Variants in NIT1 observed in about 807,000 individuals in gnomAD.
The protein encoded by NIT1 is nitrilase 1.
Under a neutral mutation model 36.8 loss-of-function variants are expected in NIT1, and 30 were observed. That is an observed-to-expected ratio of 0.82 (90% confidence interval 0.61 to 1.11). The LOEUF is 1.11. Among genes scored for constraint, NIT1 ranks in the 50% least tolerant of loss-of-function variants. NIT1 has a pLI of 0.00. For synonymous variants in NIT1, 151 were observed against 155.6 expected (o/e 0.97, Z 0.22); for missense variants, 438 against 410.6 (o/e 1.07, Z -0.58).
Position 161,118,138 on chromosome 1 carries a change from T to C in NIT1, c.-39T>C. On this transcript the variant is annotated 5_prime_UTR_variant, in exon 1 of 7. Transcript: ENST00000368009. ...CGGCGCTTCTGGCTCCAGACCGCCC[T>C]CCGGATCGGACCCTGCGAATGGTTT... is the stretch of plus-strand genomic sequence containing the variant. 6.2e-7 allele frequency: 1 copy of C among 1,613,954 alleles called. No individual in the cohort carries two copies. Among genetic ancestry groups the C allele is most frequent in the Non-Finnish European group, 8.5e-7 (1 of 1,179,924 alleles).
intron 4 of NIT1, 38 bp downstream of exon 4, chr1:161,119,650 G>A: frequency 6.7e-7 from 1 of 1,502,716 alleles, no homozygotes; most frequent in Non-Finnish European, 9.2e-7. Context: ...CTCTTCCCAT[G>A]CTCTTCTACC....
At chr1:161,119,424 T>C in intron 3 of NIT1, 36 bp downstream of exon 3, 1 of 1,613,400 alleles carries the variant, frequency 6.2e-7, no homozygotes, top group Non-Finnish European at 8.5e-7. Context: ...GTAGAATCTT[T>C]GTTGGACAGT....
At chr1:161,123,980 T>C (rs768709156), downstream of NIT1, 12 of 1,609,270 alleles carry the variant, frequency 7.5e-6, no homozygotes, top group Admixed American at 1.0e-4. Flanking sequence ...CAGGAAAATA[T>C]ACACCCTTCC....
At chr1:161,123,820 G>T (rs371823914), downstream of NIT1, 14 of 1,592,854 alleles carry the variant, frequency 8.8e-6, no homozygotes, top group Admixed American at 1.7e-5. Flanking sequence ...GAAAGCAGGG[G>T]GAGTTAATGT....
chr1:161,123,372 G>A (rs1458961563), downstream of NIT1: 2 of 778,654 alleles, frequency 2.6e-6, no homozygotes, highest in African/African-American at 3.5e-5. Flanking sequence ...AGGTGCAGTG[G>A]CTCACGCCTG....
intron 3 of NIT1, 26 bp downstream of exon 3, chr1:161,119,414 G>T: frequency 6.2e-7 from 1 of 1,613,262 alleles, no homozygotes; most frequent in Admixed American, 1.7e-5. Context: ...CGAGGGAGAG[G>T]TAGAATCTTT....
At chr1:161,121,279 AC>A (rs1655462954), downstream of NIT1, 1 of 703,626 alleles carries the variant, frequency 1.4e-6, no homozygotes, top group Non-Finnish European at 1.8e-6. Context: ...TACTTCACTT[AC>A]ACCTATGATG....
At chr1:161,123,187 A>G (rs781289830), downstream of NIT1, 1 of 1,614,252 alleles carries the variant, frequency 6.2e-7, no homozygotes. Flanking sequence ...GAGGACCCGA[A>G]GTGGGGCAAC....
In NIT1 at chr1:161,119,839, AG is replaced by A. The variant is rs1655247240; in HGVS notation, c.480del (p.Lys161ArgfsTer7). The part of the protein sequence containing the change: ...NSKGAVVATY[R>X]KTHLCDVEIP... ...TGTAGGGGCAGTAGTGGCCACTTAC[AG>A]GAAGACACATCTGTGTGACGTAGAG... is the stretch of plus-strand genomic sequence containing the variant. On this transcript the variant is annotated frameshift_variant, in exon 5 of 7. Transcript: ENST00000368009. LOFTEE classifies it high-confidence loss of function. 1.2e-6 allele frequency: 2 copies of A among 1,608,794 alleles called. No homozygotes were observed. Among genetic ancestry groups the A allele is most frequent in the Non-Finnish European group, 1.7e-6 (2 of 1,177,776 alleles).
In NIT1 at chr1:161,119,844, G is replaced by A. The variant is rs1399692122; in HGVS notation, c.483G>A (p.Lys161=). 6.8e-6 allele frequency: 11 copies of A among 1,610,086 alleles called. No individual in the cohort carries two copies. Among genetic ancestry groups the A allele is most frequent in the Non-Finnish European group, 9.3e-6 (11 of 1,178,326 alleles). The change falls in exon 5 of 7, where the codon AAG becomes AAA. Residue 161 remains lysine, a synonymous_variant. Coordinates refer to ENST00000368009, the MANE Select transcript of NIT1 (RefSeq NM_005600.3). ...SKGAVVATYR[K]THLCDVEIPG... ...GGGCAGTAGTGGCCACTTACAGGAA[G>A]ACACATCTGTGTGACGTAGAGATTC...
downstream of NIT1, chr1:161,122,638 C>G: frequency 3.1e-6 from 4 of 1,307,052 alleles, no homozygotes; most frequent in Non-Finnish European, 3.1e-6. This position sits in a 1 kb window ranked among gnomAD's most constrained non-coding sequence, Gnocchi z 4.2. Flanking sequence ...TATCACCTGA[C>G]AGCTTCTCTA....
At chr1:161,118,322 G>C in intron 1 of NIT1, 144 bp downstream of exon 1, 1 of 1,537,712 alleles carries the variant, frequency 6.5e-7, no homozygotes. Context: ...GGCGGGGCGC[G>C]GCTTGGGGCC....
rs1412839547 is a variant in NIT1, at chr1:161,118,768, A to G, written c.3-18A>G. 1.3e-6 allele frequency: 2 copies of G among 1,589,060 alleles called. No homozygotes were observed. Among genetic ancestry groups the G allele is most frequent in the African/African-American group, 1.3e-5 (1 of 74,358 alleles). Reference sequence around the variant, plus strand: ...GCTTGAAGAAGGGGTTGGTGTCCTCATATCTCACCTTCCTCAGGCTGGGCT... The same window carrying G: ...GCTTGAAGAAGGGGTTGGTGTCCTCGTATCTCACCTTCCTCAGGCTGGGCT... On this transcript the variant is annotated intron_variant, in intron 1 of 6. Coordinates refer to ENST00000368009, the MANE Select transcript of NIT1 (RefSeq NM_005600.3).
chr1:161,124,121 C>T, downstream of NIT1: 3 of 1,604,922 alleles, frequency 1.9e-6, no homozygotes, highest in Non-Finnish European at 2.6e-6. Flanking sequence ...TGATTCCAGC[C>T]CCTAATACTT....
rs1259303534 is a variant in NIT1 at position 161,119,173 on chromosome 1, G to GC, written c.142dup (p.Leu48ProfsTer18). 1 of 1,614,096 alleles carries GC rather than the reference G, an allele frequency of 6.2e-7. No individual in the cohort carries two copies. Among genetic ancestry groups the GC allele is most frequent in the South Asian group, 1.1e-5 (1 of 91,080 alleles). ...CTATCTCCTCTTCCTCCTGCGAACT[G>GC]CCCCTGGTGGCTGTGTGCCAGGTAA... On this transcript the variant is annotated frameshift_variant, in exon 3 of 7. Transcript: ENST00000368009. LOFTEE classifies it high-confidence loss of function.
At position 161,118,168 on chromosome 1, in the gene NIT1, T is replaced by A; in HGVS notation, c.-9T>A. The A allele has an allele frequency of 6.2e-7, 1 of 1,614,090 alleles. No homozygotes were observed. The highest frequency in any genetic ancestry group is 1.6e-4 in the Middle Eastern group (1 of 6,062). On this transcript the variant is annotated 5_prime_UTR_variant, in exon 1 of 7. Coordinates refer to ENST00000368009, the MANE Select transcript of NIT1 (RefSeq NM_005600.3). ...ATCGGACCCTGCGAATGGTTTTGGC[T>A]ATATCTTCATGTAGGACCTACTCCC... is the stretch of plus-strand genomic sequence containing the variant.
rs1420444068 is a variant in NIT1, at chr1:161,120,116, G to A, written c.601G>A (p.Ala201Thr). Reference protein sequence around the residue: ...VSTPAGKIGLAVCYDMRFPEL... With the variant: ...VSTPAGKIGLTVCYDMRFPEL... ...CTGTTTTTCATTCCAGATTGGTCTA[G>A]CTGTCTGCTATGACATGCGGTTCCC... Residue 201 changes from alanine to threonine, a missense_variant, in exon 6 of 7, where the codon GCT becomes ACT. Transcript: ENST00000368009. The A allele has an allele frequency of 6.2e-7, 1 of 1,614,150 alleles. No homozygotes were observed. Among genetic ancestry groups the A allele is most frequent in the Admixed American group, 1.7e-5 (1 of 60,028 alleles).
At chr1:161,122,007 T>G, downstream of NIT1, 1 of 1,185,724 alleles carries the variant, frequency 8.4e-7, no homozygotes, top group Non-Finnish European at 1.2e-6. The surrounding 1 kb of genome is among the most constrained non-coding windows in gnomAD (Gnocchi z 4.2). Flanking sequence ...ACTTCCACTT[T>G]CTTTTGTCTT....
At chr1:161,123,760 C>A, downstream of NIT1, 1 of 1,299,458 alleles carries the variant, frequency 7.7e-7, no homozygotes, top group Non-Finnish European at 1.1e-6. Context: ...TTCATTTAAG[C>A]TGGCAAAGCC....
Sources: allele counts gnomAD v4.1 joint callset, GRCh38; gene constraint gnomAD v4.1.1; non-coding constraint Gnocchi (gnomAD v3.1); transcripts MANE v1.5; gene names NCBI Gene and HGNC (gene_info 2026-07-23, HGNC 2026-07-21).